TBC1D30: variants seen among roughly 807,000 people sequenced by gnomAD.
TBC1D30 encodes the protein TBC1 domain family, member 30.
A neutral mutation model predicts 63.2 loss-of-function variants in TBC1D30; 31 were observed. The observed-to-expected ratio is 0.49, with a 90% CI of 0.37 to 0.66. The LOEUF (loss-of-function observed/expected upper bound fraction) is 0.66. Among genes scored for constraint, TBC1D30 ranks in the 30% least tolerant of loss-of-function variants. TBC1D30 has a pLI of 0.00. For missense variants in TBC1D30, 810 were observed against 953.6 expected, an observed-to-expected ratio of 0.85 and a Z score of 1.98; for synonymous variants, 307 against 361.5, an observed-to-expected ratio of 0.85 and a Z score of 1.71.
chr12:64,806,321 G>A (rs186693672), intron 2 of TBC1D30, among the ~76,000 whole-genome samples: 1 of 152,314 alleles, frequency 6.6e-6, no homozygotes, highest in East Asian at 1.9e-4. Flanking sequence ...ATTAAATGAA[G>A]TGACTGAGTT....
chr12:64,811,900 C>A (rs1262431495), intron 2 of TBC1D30, among the ~76,000 whole-genome samples: 1 of 152,126 alleles, frequency 6.6e-6, no homozygotes, highest in African/African-American at 2.4e-5. Context: ...ATGTTTTGAT[C>A]CTGCTAAGAT....
chr12:64,789,377 T>G (rs2136300562), intron 2 of TBC1D30, among the ~76,000 whole-genome samples: 1 of 152,044 alleles, frequency 6.6e-6, no homozygotes, highest in Non-Finnish European at 1.5e-5. Flanking sequence ...AGAGACACAG[T>G]TTCACCATGT....
chr12:64,782,445 CT>C, intron 1 of TBC1D30, among the ~76,000 whole-genome samples: 1 of 151,872 alleles, frequency 6.6e-6, no homozygotes, highest in African/African-American at 2.4e-5. Flanking sequence ...GTTCCTCCCC[CT>C]GCCTGGGACT....
intron 2 of TBC1D30, among the ~76,000 whole-genome samples, chr12:64,807,206 A>C (rs1592570518): frequency 6.6e-6 from 1 of 152,296 alleles, no homozygotes; most frequent in East Asian, 1.9e-4. Flanking sequence ...TGGCTTTACA[A>C]GGGTTTTTCC....
Position 64,828,520 on chromosome 12 carries a change from C to G in TBC1D30, c.282+11C>G, listed in dbSNP as rs17100699. ...GAATGGAGGAGAAAGGTAAGGAGGA[C>G]TCATAGGGCTAGAATACAGAAGGAT... is the stretch of plus-strand genomic sequence containing the variant. On this transcript the variant is annotated intron_variant, in intron 3 of 11. Transcript: ENST00000539867. 5.6e-3 allele frequency: 8,583 copies of G among 1,524,106 alleles called. 408 individuals carry two copies. The African/African-American group carries it at 0.1, about 19-fold the overall frequency. The allele number at this position is 1,524,106 out of a possible 1,614,324, so 94.4% of individuals were successfully genotyped here. A position where few individuals can be genotyped will look rare whatever the true frequency, so the allele number is the denominator to read the frequency against.
chr12:64,832,056 AG>A, intron 4 of TBC1D30, 62 bp from the exon 5 acceptor site: 2 of 1,372,138 alleles, frequency 1.5e-6, no homozygotes, highest in Non-Finnish European at 1.9e-6. Flanking sequence ...CAAAAAAAAA[AG>A]GTATTGTTTT....
At chr12:64,853,934 T>G (rs1385593722) in intron 8 of TBC1D30, among the ~76,000 whole-genome samples, 1 of 152,248 alleles carries the variant, frequency 6.6e-6, no homozygotes, top group African/African-American at 2.4e-5. Context: ...CTGTTTCTAT[T>G]CAGCCATCTT....
At chr12:64,828,351 GCA>G in intron 2 of TBC1D30, 91 bp from the exon 3 acceptor site, 1 of 913,864 alleles carries the variant, frequency 1.1e-6, no homozygotes, top group Non-Finnish European at 1.7e-6. Context: ...GCAAATTTCA[GCA>G]CATTCTATGA....
chr12:64,864,037 G>C (rs1878005894), intron 8 of TBC1D30, among the ~76,000 whole-genome samples: 1 of 151,822 alleles, frequency 6.6e-6, no homozygotes, highest in Non-Finnish European at 1.5e-5. Flanking sequence ...TGGAAGCACA[G>C]GTGCTTTTCC....
chr12:64,797,259 G>C (rs1325868724), intron 2 of TBC1D30, among the ~76,000 whole-genome samples: 1 of 152,154 alleles, frequency 6.6e-6, no homozygotes, highest in Non-Finnish European at 1.5e-5. Flanking sequence ...AATAGTGACA[G>C]CTTCCTGAAG....
In TBC1D30 at chr12:64,767,131, G is replaced by C. The variant is rs1235648915; in HGVS notation, c.-376+7482G>C. On this transcript the variant is annotated intron_variant, in intron 1 of 13. Transcript: ENST00000674237. ...TCATTAATTTAACCTTCTACCTTAA[G>C]ACACCAAAGAAAGCAAAATAAACCT... is the stretch of plus-strand genomic sequence containing the variant. 2.0e-5 allele frequency among the ~76,000 whole-genome samples: 3 copies of C among 151,480 alleles called. No homozygotes were observed. The East Asian group carries it at 5.8e-4, about 29-fold the overall frequency.
chr12:64,777,758 T>G (rs145945159), upstream of TBC1D30, among the ~76,000 whole-genome samples: 1 of 152,182 alleles, frequency 6.6e-6, no homozygotes, highest in African/African-American at 2.4e-5. Context: ...AAAAAACTAT[T>G]TTAAAATTCA....
chr12:64,817,583 C>T (rs997511165), intron 2 of TBC1D30, among the ~76,000 whole-genome samples: 67 of 152,336 alleles, frequency 4.4e-4, no homozygotes, highest in Middle Eastern at 3.4e-3. Flanking sequence ...CCAGACCTGC[C>T]AAACCAACAT....
At chr12:64,767,788 C>CGGGGG (rs59418018) in intron 1 of TBC1D30, among the ~76,000 whole-genome samples, 29 of 60,192 alleles carry the variant, frequency 4.8e-4, no homozygotes, top group Non-Finnish European at 6.0e-4. Context: ...CATGCTCCGG[C>CGGGGG]GGGGGGGGGG....
Position 64,870,817 on chromosome 12 carries a change from ATT to A in TBC1D30, c.1498+10_1498+11del. ...GGTGTACATCAGGGCAGGTAATGTG[ATT>A]CTTCATTTGAATCAATTTCAGCTCT... On this transcript the variant is annotated intron_variant, in intron 11 of 11. Transcript: ENST00000539867. 1 of 1,535,932 alleles carries A rather than the reference ATT, an allele frequency of 6.5e-7. No homozygotes were observed. The highest frequency in any genetic ancestry group is 8.7e-7 in the Non-Finnish European group (1 of 1,146,698).
At chr12:64,835,708 T>C (rs1875288524) in intron 5 of TBC1D30, among the ~76,000 whole-genome samples, 1 of 152,164 alleles carries the variant, frequency 6.6e-6, no homozygotes, top group Non-Finnish European at 1.5e-5. Context: ...CCGATTCCAC[T>C]GTACAAATGA....
chr12:64,844,680 C>T (rs955640108), intron 8 of TBC1D30, among the ~76,000 whole-genome samples: 11 of 152,236 alleles, frequency 7.2e-5, no homozygotes, highest in African/African-American at 1.4e-4. Flanking sequence ...AACTACTCTT[C>T]CCAGCCTCTG....
chr12:64,789,181 C>CTTTTTTT lies in TBC1D30; in HGVS notation c.643+3138_643+3139insTTTTTTT, dbSNP rs369676415. ...TTTCCCCTTCTTCTTCCTTCTTCTTCTTCTTTTTTTTTTTTTTTGGAGACA... is the reference window on the plus strand; with the variant it reads ...TTTCCCCTTCTTCTTCCTTCTTCTTCTTTTTTTTTCTTTTTTTTTTTTTTTGGAGACA... On this transcript the variant is annotated intron_variant, in intron 2 of 12. Transcript: ENST00000542120. 3.9e-5 allele frequency among the ~76,000 whole-genome samples: 5 copies of CTTTTTTT among 127,184 alleles called. 1 individual carries two copies. Among genetic ancestry groups the CTTTTTTT allele is most frequent in the African/African-American group, 6.1e-5 (2 of 32,844 alleles). The allele number at this position is 127,184 out of a possible 152,430, so 83.4% of individuals were successfully genotyped here.
At chr12:64,859,119 G>A (rs993903981) in intron 8 of TBC1D30, among the ~76,000 whole-genome samples, 12 of 151,880 alleles carry the variant, frequency 7.9e-5, no homozygotes, top group Admixed American at 3.9e-4. Context: ...GCACATATAT[G>A]CGAGGGTGTT....
Sources: allele counts gnomAD v4.1 joint callset (sites outside exome capture counted in the v4.1 genomes callset), GRCh38; gene constraint gnomAD v4.1.1; transcripts MANE v1.5; gene names NCBI Gene and HGNC (gene_info 2026-07-23, HGNC 2026-07-21).